The following GTF2A1 variants were observed in gnomAD, a reference collection of about 807,000 sequenced individuals.
The protein encoded by GTF2A1 is transcription initiation factor IIA subunit 1.
GTF2A1 carries 12 observed loss-of-function variants against 54.1 expected under a neutral mutation model. The ratio of observed to expected loss-of-function variants is 0.22; its 90% CI spans 0.14 to 0.36. GTF2A1 has a LOEUF of 0.36. Among genes scored for constraint, GTF2A1 ranks in the 10% least tolerant of loss-of-function variants. The pLI, the probability that GTF2A1 is intolerant of heterozygous loss-of-function variation, is 1.00. For synonymous variants in GTF2A1, 145 were observed against 152.0 expected (o/e 0.95, Z 0.34); for missense variants, 335 against 442.2 (o/e 0.76, Z 2.17).
intron 2 of GTF2A1, among the ~76,000 whole-genome samples, chr14:81,211,904 T>TATATATATATATATATATATAC (rs1893378848): frequency 7.2e-6 from 1 of 138,188 alleles, no homozygotes; most frequent in African/African-American, 2.7e-5. Flanking sequence ...TATATATATA[T>TATATATATATATATATATATAC]ATATAACTAG....
intron 8 of GTF2A1, among the ~76,000 whole-genome samples, chr14:81,181,245 T>C (rs1457877111): frequency 6.6e-6 from 1 of 152,154 alleles, no homozygotes; most frequent in Non-Finnish European, 1.5e-5. Context: ...CTTTCTTCCT[T>C]TTCCCAGTAA....
At chr14:81,186,240 T>C (rs1892742547) in intron 7 of GTF2A1, among the ~76,000 whole-genome samples, 3 of 152,200 alleles carry the variant, frequency 2.0e-5, no homozygotes, top group Admixed American at 2.0e-4. Context: ...GGACCTAATA[T>C]GAAGGTTCAA....
At chr14:81,207,492 T>G (rs1893264712) in intron 2 of GTF2A1, among the ~76,000 whole-genome samples, 1 of 152,098 alleles carries the variant, frequency 6.6e-6, no homozygotes, top group South Asian at 2.1e-4. Flanking sequence ...TATGTCTTCA[T>G]CAGCAGCGTG....
intron 4 of GTF2A1, 73 bp downstream of exon 4, chr14:81,201,521 C>T: frequency 1.2e-6 from 1 of 843,984 alleles, no homozygotes; most frequent in Admixed American, 1.9e-5. Context: ...TAATATAGGA[C>T]ATATATAGGC....
intron 2 of GTF2A1, among the ~76,000 whole-genome samples, chr14:81,208,427 A>C (rs999843108): frequency 1.6e-4 from 25 of 152,208 alleles, no homozygotes; most frequent in African/African-American, 6.0e-4. Context: ...GCCCAAGCAA[A>C]AGTCTGCTAC....
intron 2 of GTF2A1, among the ~76,000 whole-genome samples, chr14:81,213,989 C>T (rs932082096): frequency 2.0e-5 from 3 of 151,848 alleles, no homozygotes; most frequent in Admixed American, 6.6e-5. Flanking sequence ...ATTACAGGCA[C>T]GCACCACCAT....
chr14:81,192,488 GATT>G, intron 7 of GTF2A1, 28 bp downstream of exon 7: 1 of 1,523,866 alleles, frequency 6.6e-7, no homozygotes, highest in African/African-American at 1.4e-5. Flanking sequence ...TAATCAAGTA[GATT>G]ATTTTAAGTA....
chr14:81,182,587 C>T (rs552736060), intron 8 of GTF2A1, among the ~76,000 whole-genome samples: 1 of 152,190 alleles, frequency 6.6e-6, no homozygotes, highest in Non-Finnish European at 1.5e-5. Flanking sequence ...ATCATTATCT[C>T]CCATGTGAAT....
At chr14:81,192,147 G>A (rs1892888557) in intron 7 of GTF2A1, among the ~76,000 whole-genome samples, 1 of 152,108 alleles carries the variant, frequency 6.6e-6, no homozygotes, top group Admixed American at 6.5e-5. Flanking sequence ...ATGTTGCCAC[G>A]CTTTTTAAAT....
At chr14:81,215,891 C>T (rs960309451) in intron 2 of GTF2A1, among the ~76,000 whole-genome samples, 6 of 152,142 alleles carry the variant, frequency 3.9e-5, no homozygotes, top group Admixed American at 6.5e-5. Context: ...AAAAATTAGC[C>T]AGGCATGCTG....
chr14:81,220,694 A>G lies in GTF2A1; in HGVS notation c.-176T>C, dbSNP rs1345008043. On this transcript the variant is annotated 5_prime_UTR_variant, in exon 1 of 9. Transcript: ENST00000553612. ...AGGGGAGAGCGGAGAGAGGAGGAGG[A>G]GGGGGGCACTCCTCCCGCAGCTGAA... 7 of 253,526 alleles carry G rather than the reference A, an allele frequency of 2.8e-5. No homozygotes were observed. The highest frequency in any genetic ancestry group is 8.5e-5 in the South Asian group (1 of 11,812). 15.7% of individuals were successfully genotyped at this position (253,526 alleles called of 1,614,324 possible).
chr14:81,219,570 G>A (rs1470160984), intron 1 of GTF2A1, among the ~76,000 whole-genome samples: 3 of 152,214 alleles, frequency 2.0e-5, no homozygotes, highest in Non-Finnish European at 2.9e-5. Context: ...AGTCGCCAAC[G>A]GTACGGTGTC....
rs1254563317 is a variant in GTF2A1 at position 81,177,536 on chromosome 14, TTAA to T, written c.*2684_*2686del. 2.6e-5 allele frequency: 4 copies of T among 152,254 alleles called. No homozygotes were observed. The highest frequency in any genetic ancestry group is 1.3e-4 in the Admixed American group (2 of 15,304). The allele number at this position is 152,254 out of a possible 1,614,324, so 9.4% of individuals were successfully genotyped here. A position where few individuals can be genotyped will look rare whatever the true frequency, so the allele number is the denominator to read the frequency against. ...TGTAAATTTTCCTTAGCACTGTTGA[TTAA>T]TGTTAATTTAAGTAAAAGGTGCCAT... On this transcript the variant is annotated 3_prime_UTR_variant, in exon 9 of 9. Coordinates refer to ENST00000553612, the MANE Select transcript of GTF2A1 (RefSeq NM_015859.4).
chr14:81,208,354 G>A (rs1893287927), intron 2 of GTF2A1, among the ~76,000 whole-genome samples: 1 of 152,218 alleles, frequency 6.6e-6, no homozygotes, highest in African/African-American at 2.4e-5. Context: ...GTGCACAGAA[G>A]TCAAGAATTG....
chr14:81,205,776 A>G (rs1893215582), intron 2 of GTF2A1, among the ~76,000 whole-genome samples: 2 of 152,230 alleles, frequency 1.3e-5, no homozygotes, highest in African/African-American at 4.8e-5. Context: ...GGCGAAAGAC[A>G]GCGCTTCTTC....
chr14:81,194,916 G>A (rs1248126086), intron 6 of GTF2A1, among the ~76,000 whole-genome samples: 1 of 152,138 alleles, frequency 6.6e-6, no homozygotes, highest in Non-Finnish European at 1.5e-5. Context: ...GCAAAAGCGG[G>A]CAGATCACCT....
At chr14:81,184,714 G>C (rs1480095489) in intron 8 of GTF2A1, among the ~76,000 whole-genome samples, 2 of 152,128 alleles carry the variant, frequency 1.3e-5, no homozygotes, top group Admixed American at 1.3e-4. Flanking sequence ...TACATCGCCA[G>C]GGCCTAGAAT....
chr14:81,220,945 C>T lies in GTF2A1; in HGVS notation c.-427G>A. On this transcript the variant is annotated 5_prime_UTR_variant, in exon 1 of 9. Transcript: ENST00000553612. ...GCGCGAGCCACCACCGCCGCCGCCG[C>T]CGCCGCCGAGAGACAGGGTGAAGGG... The T allele has an allele frequency of 5.9e-6, 1 of 170,894 alleles. No homozygotes were observed. The allele number at this position is 170,894 out of a possible 1,614,324, so 10.6% of individuals were successfully genotyped here.
In GTF2A1 at chr14:81,201,597, G is replaced by A; in HGVS notation, c.399C>T (p.Asn133=). 6.3e-7 allele frequency: 1 copy of A among 1,576,624 alleles called. No homozygotes were observed. Among genetic ancestry groups the A allele is most frequent in the African/African-American group, 1.3e-5 (1 of 74,246 alleles). The part of the protein sequence containing the change: ...SKLIQHMNAS[N]MSAAATAATL... ...ACTGCTACATTCTGAGTCTTACCATGTTTGATGCATTCATATGCTGTATCA... is the reference window on the plus strand; with the variant it reads ...ACTGCTACATTCTGAGTCTTACCATATTTGATGCATTCATATGCTGTATCA... Residue 133 remains asparagine (N), a synonymous_variant, in exon 4 of 9, where the codon AAC becomes AAT. Coordinates refer to ENST00000553612, the MANE Select transcript of GTF2A1 (RefSeq NM_015859.4).
Sources: allele counts gnomAD v4.1 joint callset (sites outside exome capture counted in the v4.1 genomes callset), GRCh38; gene constraint gnomAD v4.1.1; transcripts MANE v1.5; gene names NCBI Gene and HGNC (gene_info 2026-07-23, HGNC 2026-07-21).